The following CSNK1G3 variants were observed in gnomAD, a reference collection of about 807,000 sequenced individuals.
The protein encoded by CSNK1G3 is casein kinase 1 gamma 3.
Under a neutral mutation model 64.3 loss-of-function variants are expected in CSNK1G3, and 23 were observed. The observed-to-expected ratio is 0.36, with a 90% CI of 0.26 to 0.51. The LOEUF (loss-of-function observed/expected upper bound fraction) is 0.51. CSNK1G3 is among the 20% of genes least tolerant of loss of function. CSNK1G3 has a pLI of 0.96. For synonymous variants in CSNK1G3, 158 were observed against 162.2 expected, an observed-to-expected ratio of 0.97 and a Z score of 0.20; for missense variants, 357 against 510.5, an observed-to-expected ratio of 0.70 and a Z score of 2.90.
intron 6 of CSNK1G3, among the ~76,000 whole-genome samples, chr5:123,582,217 G>T (rs889569698): frequency 6.6e-6 from 1 of 152,072 alleles, no homozygotes; most frequent in Non-Finnish European, 1.5e-5. Context: ...ATAATGTTGA[G>T]ATATAAGAGT....
chr5:123,561,195 AC>A (rs1785638087), intron 4 of CSNK1G3, among the ~76,000 whole-genome samples: 1 of 151,858 alleles, frequency 6.6e-6, no homozygotes, highest in Admixed American at 6.6e-5. Flanking sequence ...TACCATTATC[AC>A]TCTCTGGGAT....
rs138962367 is a variant in CSNK1G3, at chr5:123,594,521, T to C, written c.1086+3107T>C. On this transcript the variant is annotated intron_variant, in intron 10 of 12. Transcript: ENST00000345990. ...CAAAGAACTTTTCTGTTTTCTCATA[T>C]TATCCTTAGAATCAGAAATGGGGGA... Among the ~76,000 whole-genome samples, 508 of 152,328 alleles carry C rather than the reference T, an allele frequency of 3.3e-3. 9 individuals are homozygous for C. Among genetic ancestry groups the C allele is most frequent in the African/African-American group, 0.012 (489 of 41,580 alleles).
chr5:123,547,074 T>C (rs1782652504), intron 2 of CSNK1G3, among the ~76,000 whole-genome samples: 1 of 152,168 alleles, frequency 6.6e-6, no homozygotes, highest in African/African-American at 2.4e-5. Flanking sequence ...GTTATTATTG[T>C]GTATAATTCT....
At chr5:123,575,612 G>A in intron 5 of CSNK1G3, 117 bp from the exon 6 acceptor site, 3 of 657,026 alleles carry the variant, frequency 4.6e-6, no homozygotes, top group East Asian at 2.8e-5. Context: ...TTAAAGGGTT[G>A]AAACAATTTC....
At position 123,617,025 on chromosome 5, in the gene CSNK1G3, T is replaced by C. The variant is rs530441952; in HGVS notation, c.*2629T>C. ...TCTGAACTGTTTAATAGAGCAATAA[T>C]TAAATACATCTTCTGATAAATTAAG... On this transcript the variant is annotated 3_prime_UTR_variant, in exon 13 of 13. Transcript: ENST00000345990. 111 of 152,334 alleles carry C rather than the reference T, an allele frequency of 7.3e-4. 1 individual carries two copies. Among genetic ancestry groups the C allele is most frequent in the Non-Finnish European group, 1.4e-3 (92 of 68,014 alleles). 9.4% of individuals were successfully genotyped at this position (152,334 alleles called of 1,614,324 possible).
chr5:123,550,722 G>A (rs1402301353), intron 2 of CSNK1G3, among the ~76,000 whole-genome samples: 1 of 152,088 alleles, frequency 6.6e-6, no homozygotes, highest in Non-Finnish European at 1.5e-5. Flanking sequence ...CAGTTTACTT[G>A]GATTTTTCTT....
At chr5:123,606,856 C>G (rs755920025) in intron 12 of CSNK1G3, among the ~76,000 whole-genome samples, 18 of 152,098 alleles carry the variant, frequency 1.2e-4, no homozygotes, top group Admixed American at 2.6e-4. Context: ...TGTCCTTGTT[C>G]TTAAGTAGAT....
intron 1 of CSNK1G3, among the ~76,000 whole-genome samples, chr5:123,528,339 G>A (rs963020825): frequency 1.3e-5 from 2 of 152,032 alleles, no homozygotes; most frequent in African/African-American, 2.4e-5. Flanking sequence ...ATTTGAAAAA[G>A]TGATGATCAT....
chr5:123,607,086 C>T (rs981583876), intron 12 of CSNK1G3, among the ~76,000 whole-genome samples: 1 of 151,968 alleles, frequency 6.6e-6, no homozygotes, highest in Non-Finnish European at 1.5e-5. Context: ...TCTGTAGACA[C>T]TGGAGGATGT....
chr5:123,594,947 A>T, intron 10 of CSNK1G3, 92 bp from the exon 11 acceptor site: 1 of 997,220 alleles, frequency 1.0e-6, no homozygotes, highest in African/African-American at 1.7e-5. Context: ...ATTTCCTTTT[A>T]TACGTTTGTT....
At chr5:123,533,269 A>G (rs1016941309) in intron 1 of CSNK1G3, among the ~76,000 whole-genome samples, 3 of 151,828 alleles carry the variant, frequency 2.0e-5, no homozygotes, top group African/African-American at 7.2e-5. Context: ...GTCAGTTTCA[A>G]TTGTAGTATT....
chr5:123,539,998 G>T (rs1458962767), intron 1 of CSNK1G3, among the ~76,000 whole-genome samples: 1 of 151,854 alleles, frequency 6.6e-6, no homozygotes, highest in East Asian at 1.9e-4. Flanking sequence ...GTTCTTATTG[G>T]TAATTTGTAT....
At chr5:123,560,828 G>A (rs775336174) in intron 4 of CSNK1G3, among the ~76,000 whole-genome samples, 1 of 152,112 alleles carries the variant, frequency 6.6e-6, no homozygotes, top group African/African-American at 2.4e-5. Flanking sequence ...CAGAAATGGG[G>A]AATTATTGTT....
chr5:123,564,412 T>C (rs900239092), intron 4 of CSNK1G3, among the ~76,000 whole-genome samples: 3 of 152,082 alleles, frequency 2.0e-5, no homozygotes, highest in Admixed American at 1.3e-4. Context: ...CCTTGTGTAA[T>C]AGTAAAAAGA....
chr5:123,570,561 G>T (rs1787895501), intron 4 of CSNK1G3, among the ~76,000 whole-genome samples: 1 of 151,930 alleles, frequency 6.6e-6, no homozygotes, highest in Non-Finnish European at 1.5e-5. Flanking sequence ...TCACCATGTG[G>T]GCCAGGCTGG....
intron 1 of CSNK1G3, among the ~76,000 whole-genome samples, chr5:123,540,913 G>A (rs1581005197): frequency 6.6e-6 from 1 of 152,160 alleles, no homozygotes; most frequent in East Asian, 1.9e-4. Flanking sequence ...ACAGGCATGA[G>A]CCAACAAGTC....
intron 9 of CSNK1G3, among the ~76,000 whole-genome samples, 191 bp from the exon 10 acceptor site, chr5:123,591,128 A>T (rs1236277588): frequency 2.0e-5 from 3 of 152,096 alleles, no homozygotes; most frequent in African/African-American, 7.2e-5. Context: ...AACACTTTAA[A>T]AAGTAGGTAT....
intron 10 of CSNK1G3, among the ~76,000 whole-genome samples, chr5:123,592,387 A>G (rs1792538008): frequency 6.6e-6 from 1 of 151,976 alleles, no homozygotes; most frequent in Non-Finnish European, 1.5e-5. Context: ...TAGCGAGTTC[A>G]TGTTTCCTGG....
chr5:123,593,482 A>T (rs947642892), intron 10 of CSNK1G3, among the ~76,000 whole-genome samples: 1 of 151,946 alleles, frequency 6.6e-6, no homozygotes, highest in Non-Finnish European at 1.5e-5. Flanking sequence ...GGATCCTGAA[A>T]TTGTTGGGTA....
Sources: gnomAD v4.1 joint callset for allele counts (sites outside exome capture counted in the v4.1 genomes callset) on GRCh38, gnomAD v4.1.1 for gene constraint, MANE v1.5 for transcripts, NCBI Gene and HGNC (gene_info 2026-07-23, HGNC 2026-07-21) for gene names.